The following SLC12A4 variants were observed in gnomAD, a reference collection of about 807,000 sequenced individuals.
The protein encoded by SLC12A4 is electroneutral potassium-chloride cotransporter 1.
Under a neutral mutation model 119.2 loss-of-function variants are expected in SLC12A4, and 84 were observed. The observed-to-expected ratio is 0.70, with a 90% CI of 0.59 to 0.85. The LOEUF is 0.85. SLC12A4 is among the 40% of genes least tolerant of loss of function. The pLI is 0.00. For missense variants in SLC12A4, 1,298 were observed against 1,476.3 expected (o/e 0.88, Z 1.98); for synonymous variants, 599 against 604.6 (o/e 0.99, Z 0.14).
intron 3 of SLC12A4, 33 bp downstream of exon 3, chr16:67,961,542 G>C (rs1486980579): frequency 6.2e-7 from 1 of 1,607,234 alleles, no homozygotes; most frequent in Non-Finnish European, 8.5e-7. Context: ...TGTCTTCCCA[G>C]GTGTGGCCCC....
rs1157648819 is a variant in SLC12A4, at chr16:67,954,660, C to T, written c.658G>A (p.Ala220Thr). 3 of 1,614,176 alleles carry T rather than the reference C, an allele frequency of 1.9e-6. No individual in the cohort carries two copies. The highest frequency in any genetic ancestry group is 2.2e-5 in the East Asian group (1 of 44,888). ...TGACTCACCAGCAAGATCTCGATGG[C>T]CCCCAGGATGTACATGGCTGCTGCG... ...TFAAAMYILG[A>T]IEILLTYIAP... Residue 220 changes from alanine (A) to threonine (T), a missense_variant, in exon 6 of 24, where the codon GCC becomes ACC. Ala to Thr is a moderately conservative substitution (Grantham distance 58). Transcript: ENST00000316341.
At position 67,951,076 on chromosome 16, in the gene SLC12A4, A is replaced by G. The variant is rs2058409598; in HGVS notation, c.1298-16T>C. 1 of 1,613,792 alleles carries G rather than the reference A, an allele frequency of 6.2e-7. No individual in the cohort carries two copies. The highest frequency in any genetic ancestry group is 1.3e-5 in the African/African-American group (1 of 74,886). ...GCCATGATGCCTCCAAAAACAGATG[A>G]GACTCCCTCAGGGGCTCCCCGGGAT... is the stretch of plus-strand genomic sequence containing the variant. On this transcript the variant is annotated splice_polypyrimidine_tract_variant and intron_variant, in intron 9 of 23. Transcript: ENST00000316341. The surrounding 1 kb of genome is among the most constrained non-coding windows in gnomAD (Gnocchi z 5.2).
rs943464363 is a variant in SLC12A4 at position 67,961,723 on chromosome 16, A to C, written c.211-17T>G. The C allele has an allele frequency of 1.9e-6, 3 of 1,613,756 alleles. 1 individual carries two copies. The African/African-American group carries it at 4.0e-5, about 21-fold the overall frequency. On this transcript the variant is annotated splice_polypyrimidine_tract_variant and intron_variant, in intron 2 of 23. Transcript: ENST00000316341. ...CAGCTCTTCCTGCAAACAGAGCCAC[A>C]GGGCAAGATGGCATTGGGCCAGGTG...
intron 17 of SLC12A4, 151 bp from the exon 18 acceptor site, chr16:67,946,784 G>C (rs375258916): frequency 1.3e-5 from 16 of 1,225,532 alleles, no homozygotes; most frequent in East Asian, 1.2e-4. Context: ...TTTCAAGATG[G>C]GACTGCTGGC....
chr16:67,968,436 C>A lies in SLC12A4; in HGVS notation c.115+3G>T, dbSNP rs1281699185. 2 of 1,568,672 alleles carry A rather than the reference C, an allele frequency of 1.3e-6. No homozygotes were observed. Among genetic ancestry groups the A allele is most frequent in the South Asian group, 1.1e-5 (1 of 87,638 alleles). ...GCCACGGCCCCTCAGAACGCGCCCT[C>A]ACCGTCCGAGTCATCCAGCTCGGCG... On this transcript the variant is annotated splice_donor_region_variant and intron_variant, in intron 1 of 23. Coordinates refer to ENST00000316341, the MANE Select transcript of SLC12A4 (RefSeq NM_005072.5).
chr16:67,964,162 G>C, intron 1 of SLC12A4: 1 of 1,420,404 alleles, frequency 7.0e-7, no homozygotes, highest in South Asian at 1.4e-5. Flanking sequence ...GAGCCTTCTA[G>C]GGTTGCCTAA....
chr16:67,963,515 C>A lies in SLC12A4; in HGVS notation c.160G>T (p.Glu54Ter). ...TAGTAGTCAATTCCTCTGGAAGCCT[C>A]CAAGGGGGAAAGAAAAGGGCTGCTC... Reference protein sequence around the residue: ...RESSPFLSPLEASRGIDYYDR... With the variant: ...RESSPFLSPL The change falls in exon 2 of 24, where the codon GAG becomes TAG. Residue 54 changes from glutamate (E) to a stop codon, truncating the protein, a stop_gained. Coordinates refer to ENST00000316341, the MANE Select transcript of SLC12A4 (RefSeq NM_005072.5). LOFTEE classifies it high-confidence loss of function. The A allele has an allele frequency of 6.3e-7, 1 of 1,586,084 alleles. No homozygotes were observed. Among genetic ancestry groups the A allele is most frequent in the Non-Finnish European group, 8.5e-7 (1 of 1,171,868 alleles).
intron 6 of SLC12A4, 92 bp from the exon 7 acceptor site, chr16:67,952,517 A>T: frequency 4.1e-6 from 6 of 1,453,166 alleles, no homozygotes; most frequent in Non-Finnish European, 4.8e-6. Flanking sequence ...TACCTAAAAG[A>T]GGCCGGGCGC....
chr16:67,950,375 CT>C lies in SLC12A4; in HGVS notation c.1572del (p.Ala526HisfsTer25), dbSNP rs1454012982. 6.2e-7 allele frequency: 1 copy of C among 1,614,054 alleles called. No homozygotes were observed. On this transcript the variant is annotated frameshift_variant, in exon 12 of 24. Transcript: ENST00000316341. LOFTEE classifies it high-confidence loss of function. This position sits in a 1 kb window ranked among gnomAD's most constrained non-coding sequence, Gnocchi z 4.3. The part of the protein sequence containing the change: ...STCGAGLQSL[T>X]GAPRLLQAIA... Reference sequence around the variant, plus strand: ...ATGGCCTGCAATAGGCGTGGTGCCCCTGTGAGGCTCTGGAGGCCAGCGCCAC... The same window carrying C: ...ATGGCCTGCAATAGGCGTGGTGCCCCGTGAGGCTCTGGAGGCCAGCGCCAC...
chr16:67,966,355 A>G (rs1325819153), intron 1 of SLC12A4, among the ~76,000 whole-genome samples: 3 of 152,176 alleles, frequency 2.0e-5, no homozygotes, highest in Non-Finnish European at 2.9e-5. Flanking sequence ...CCATTCCAAA[A>G]ATTCCAGGGC....
intron 5 of SLC12A4, among the ~76,000 whole-genome samples, chr16:67,956,397 C>T (rs1418480219): frequency 1.3e-5 from 2 of 151,354 alleles, no homozygotes; most frequent in Non-Finnish European, 2.9e-5. Context: ...TTCAAAAAAC[C>T]ATTTTCGGCA....
In SLC12A4 at chr16:67,943,796, G is replaced by T; in HGVS notation, c.*1044C>A. On this transcript the variant is annotated 3_prime_UTR_variant, in exon 24 of 24. Coordinates refer to ENST00000316341, the MANE Select transcript of SLC12A4 (RefSeq NM_005072.5). The surrounding 1 kb of genome is among the most constrained non-coding windows in gnomAD (Gnocchi z 4.6). Reference sequence around the variant, plus strand: ...GAGAAGGGACGTCATTCCTCTAAGGGACAAGCTTTTGGCCCCTCCCCACAC... The same window carrying T: ...GAGAAGGGACGTCATTCCTCTAAGGTACAAGCTTTTGGCCCCTCCCCACAC... The T allele has an allele frequency of 1.4e-6, 1 of 711,676 alleles. No homozygotes were observed. Among genetic ancestry groups the T allele is most frequent in the South Asian group, 2.0e-5 (1 of 49,038 alleles). 44.1% of individuals were successfully genotyped at this position (711,676 alleles called of 1,614,324 possible).
At chr16:67,967,936 A>AC (rs1199301615) in intron 1 of SLC12A4, among the ~76,000 whole-genome samples, 1 of 151,648 alleles carries the variant, frequency 6.6e-6, no homozygotes, top group Non-Finnish European at 1.5e-5. Context: ...TTACCCATAG[A>AC]CCCCCCAGTA....
In SLC12A4 at chr16:67,946,995, C is replaced by G; in HGVS notation, c.2183G>C (p.Gly728Ala). The change falls in exon 17 of 24, where the codon GGT (glycine) becomes GCT (alanine). Residue 728 changes from glycine to alanine, a missense_variant. Coordinates refer to ENST00000316341, the MANE Select transcript of SLC12A4 (RefSeq NM_005072.5). ...CAAGAAGCTCCCCTGGATGACAGAACCAACAATGGTCAGGCCCTTGCCAGC... is the reference window on the plus strand; with the variant it reads ...CAAGAAGCTCCCCTGGATGACAGAAGCAACAATGGTCAGGCCCTTGCCAGC... The part of the protein sequence containing the change: ...LKAGKGLTIV[G>A]SVIQGSFLES... 1 of 1,613,286 alleles carries G rather than the reference C, an allele frequency of 6.2e-7. No homozygotes were observed. Among genetic ancestry groups the G allele is most frequent in the Non-Finnish European group, 8.5e-7 (1 of 1,180,026 alleles).
intron 15 of SLC12A4, 37 bp downstream of exon 15, chr16:67,947,632 C>T: frequency 6.3e-7 from 1 of 1,582,342 alleles, no homozygotes; most frequent in East Asian, 2.3e-5. Context: ...GCCGGGCCCC[C>T]TCAGCTGGCA....
chr16:67,953,485 A>G (rs1307551450), intron 6 of SLC12A4, among the ~76,000 whole-genome samples: 2 of 152,272 alleles, frequency 1.3e-5, no homozygotes, highest in Non-Finnish European at 2.9e-5. Flanking sequence ...TGAGATGCCC[A>G]GAATAGGCAA....
rs370860994 is a variant in SLC12A4 at position 67,949,852 on chromosome 16, C to T, written c.1696G>A (p.Glu566Lys). The T allele has an allele frequency of 9.4e-5, 151 of 1,610,184 alleles. 1 individual carries two copies. Among genetic ancestry groups the T allele is most frequent in the Non-Finnish European group, 1.2e-4 (140 of 1,178,436 alleles). ...AGGGAGGCGATGAGGATGCCCAGCTCGGCGATGAGTGCCGTCAGGAGGAGT... is the reference window on the plus strand; with the variant it reads ...AGGGAGGCGATGAGGATGCCCAGCTTGGCGATGAGTGCCGTCAGGAGGAGT... Reference protein sequence around the residue: ...WALLLTALIAELGILIASLDM... With the variant: ...WALLLTALIAKLGILIASLDM... Residue 566 changes from glutamate (E) to lysine (K), a missense_variant, in exon 13 of 24, where the codon GAG (glutamate) becomes AAG (lysine). Transcript: ENST00000316341. This position sits in a 1 kb window ranked among gnomAD's most constrained non-coding sequence, Gnocchi z 4.6.
chr16:67,957,150 C>T (rs1000217069), intron 5 of SLC12A4, among the ~76,000 whole-genome samples: 14 of 151,718 alleles, frequency 9.2e-5, no homozygotes, highest in Non-Finnish European at 1.9e-4. Flanking sequence ...TTACAAGTGC[C>T]CACCACCATG....
Position 67,949,513 on chromosome 16 carries a change from G to A in SLC12A4, c.1748+287C>T. 2 of 301,712 alleles carry A rather than the reference G, an allele frequency of 6.6e-6. No individual in the cohort carries two copies. Among genetic ancestry groups the A allele is most frequent in the East Asian group, 7.1e-5 (1 of 14,116 alleles). The allele number at this position is 301,712 out of a possible 1,614,324, so 18.7% of individuals were successfully genotyped here. On this transcript the variant is annotated intron_variant, in intron 13 of 23. Coordinates refer to ENST00000316341, the MANE Select transcript of SLC12A4 (RefSeq NM_005072.5). The surrounding 1 kb of genome is among the most constrained non-coding windows in gnomAD (Gnocchi z 4.6). The stretch of plus-strand genomic sequence containing the variant: ...ATGGAAGGGGCAGCAGTGGCTTCAT[G>A]GAGGCATGAGGGACGCGGTGGTTGC...
Sources: allele counts gnomAD v4.1 joint callset (sites outside exome capture counted in the v4.1 genomes callset), GRCh38; gene constraint gnomAD v4.1.1; non-coding constraint Gnocchi (gnomAD v3.1); transcripts MANE v1.5; gene names NCBI Gene and HGNC (gene_info 2026-07-23, HGNC 2026-07-21).